The following EXTL3 variants were observed in gnomAD, a reference collection of about 807,000 sequenced individuals.
EXTL3 encodes exostosin like glycosyltransferase 3.
In EXTL3, 27 loss-of-function variants were observed where a neutral mutation model predicts 69.3. The observed-to-expected ratio is 0.39, with a 90% CI of 0.29 to 0.54. The LOEUF is 0.54. EXTL3 is among the 20% of genes least tolerant of loss of function. The pLI, the probability that EXTL3 is intolerant of heterozygous loss-of-function variation, is 0.69. For synonymous variants in EXTL3, 511 were observed against 499.4 expected, an observed-to-expected ratio of 1.02 and a Z score of -0.31; for missense variants, 1,003 against 1,231.8, an observed-to-expected ratio of 0.81 and a Z score of 2.78.
In EXTL3 at chr8:28,613,695, C is replaced by T. The variant is rs141790903; in HGVS notation, n.314+5937C>T. Among the ~76,000 whole-genome samples, 386 of 152,246 alleles carry T rather than the reference C, an allele frequency of 2.5e-3. 2 individuals carry two copies. Among genetic ancestry groups the T allele is most frequent in the Non-Finnish European group, 3.2e-3 (219 of 68,010 alleles). Reference sequence around the variant, plus strand: ...AGATCTATTCAAATTATCTACTTCTCCTTATGTGAGTTCAAGGAATTGGTC... The same window carrying T: ...AGATCTATTCAAATTATCTACTTCTTCTTATGTGAGTTCAAGGAATTGGTC... On this transcript the variant is annotated intron_variant and non_coding_transcript_variant, in intron 2 of 4. Coordinates refer to the EXTL3 transcript ENST00000522725.
chr8:28,726,882 T>TC (rs1475006235), intron 3 of EXTL3, among the ~76,000 whole-genome samples: 3 of 124,542 alleles, frequency 2.4e-5, no homozygotes, highest in African/African-American at 6.2e-5. Context: ...TTCTTTTCTT[T>TC]TTTTTTTTTT....
Position 28,691,048 on chromosome 8 carries a change from A to G in EXTL3, c.-52-22409A>G, listed in dbSNP as rs111648078. On this transcript the variant is annotated intron_variant, in intron 1 of 6. Coordinates refer to the EXTL3 transcript ENST00000523149. ...GTGTTGTTAGACAGGCTAGACTGGTATTATAGTTACCAGACTTTTAGGTTT... is the reference window on the plus strand; with the variant it reads ...GTGTTGTTAGACAGGCTAGACTGGTGTTATAGTTACCAGACTTTTAGGTTT... Among the ~76,000 whole-genome samples, 1,005 of 152,282 alleles carry G rather than the reference A, an allele frequency of 6.6e-3. 17 individuals are homozygous for G. Among genetic ancestry groups the G allele is most frequent in the African/African-American group, 0.023 (958 of 41,542 alleles).
chr8:28,630,341 A>C (rs2130560891), intron 1 of EXTL3, among the ~76,000 whole-genome samples: 2 of 152,304 alleles, frequency 1.3e-5, no homozygotes, highest in East Asian at 3.9e-4. Flanking sequence ...CTGTGAGTCC[A>C]TTAAACCTCT....
intron 3 of EXTL3, among the ~76,000 whole-genome samples, chr8:28,723,706 A>T (rs1270486592): frequency 7.2e-6 from 1 of 138,350 alleles, no homozygotes; most frequent in Non-Finnish European, 1.5e-5. Flanking sequence ...CAGTGGTGTG[A>T]TCTTGGCTCA....
At chr8:28,615,481 C>T (rs1806319800) in intron 2 of EXTL3, among the ~76,000 whole-genome samples, 1 of 152,140 alleles carries the variant, frequency 6.6e-6, no homozygotes, top group African/African-American at 2.4e-5. Flanking sequence ...AGAATTGACC[C>T]GTTTGTCGTT....
At chr8:28,654,829 C>T (rs576367458) in intron 1 of EXTL3, among the ~76,000 whole-genome samples, 1 of 152,150 alleles carries the variant, frequency 6.6e-6, no homozygotes, top group Non-Finnish European at 1.5e-5. Context: ...CATTCTAACC[C>T]TCTTCCAAGA....
chr8:28,660,982 C>T (rs1807103940), intron 1 of EXTL3, among the ~76,000 whole-genome samples: 1 of 145,950 alleles, frequency 6.9e-6, no homozygotes, highest in South Asian at 2.2e-4. Context: ...GGCGCGATCT[C>T]TGCTCACTGC....
chr8:28,626,515 T>A (rs1806493790), intron 1 of EXTL3, among the ~76,000 whole-genome samples: 1 of 152,240 alleles, frequency 6.6e-6, no homozygotes, highest in Admixed American at 6.5e-5. Context: ...CTAGACATTA[T>A]CAGCTTTCTT....
intron 1 of EXTL3, among the ~76,000 whole-genome samples, chr8:28,666,557 C>T (rs1160682628): frequency 6.6e-6 from 1 of 151,944 alleles, no homozygotes; most frequent in East Asian, 1.9e-4. Context: ...GTGCTTACGC[C>T]CAGCCACTCT....
intron 1 of EXTL3, among the ~76,000 whole-genome samples, chr8:28,711,818 T>C (rs1459736571): frequency 6.6e-6 from 1 of 152,118 alleles, no homozygotes; most frequent in Non-Finnish European, 1.5e-5. Context: ...GTCAGGGAAG[T>C]AGATGGAACA....
chr8:28,650,693 C>G (rs900474768), intron 1 of EXTL3, among the ~76,000 whole-genome samples: 1 of 152,032 alleles, frequency 6.6e-6, no homozygotes, highest in Non-Finnish European at 1.5e-5. Flanking sequence ...TCTATTCTTT[C>G]CCTACTAGTT....
At chr8:28,616,126 TGAA>T (rs1246787782) in intron 2 of EXTL3, among the ~76,000 whole-genome samples, 1 of 152,146 alleles carries the variant, frequency 6.6e-6, no homozygotes, top group African/African-American at 2.4e-5. Context: ...AAAAATGTAA[TGAA>T]GTATTCTTGC....
At chr8:28,610,001 C>T (rs1169956739) in intron 2 of EXTL3, among the ~76,000 whole-genome samples, 3 of 151,318 alleles carry the variant, frequency 2.0e-5, no homozygotes, top group African/African-American at 2.4e-5. Context: ...GTCAGGAGTT[C>T]GAGACCAGCC....
chr8:28,645,507 C>A (rs1806814271), intron 1 of EXTL3, among the ~76,000 whole-genome samples: 1 of 152,150 alleles, frequency 6.6e-6, no homozygotes, highest in Non-Finnish European at 1.5e-5. Context: ...ACAGTGTCAT[C>A]CTATTTTTGT....
In EXTL3 at chr8:28,750,842, G is replaced by T; in HGVS notation, c.2736G>T (p.Lys912Asn). Residue 912 changes from lysine (K) to asparagine (N), a missense_variant, in exon 7 of 7, where the codon AAG (lysine) becomes AAT (asparagine). Around this residue, in one of 2 missense-constraint regions of EXTL3, gnomAD observed 261 missense variants for 416.4 expected, o/e 0.63. Transcript: ENST00000220562. The surrounding 1 kb of genome is among the most constrained non-coding windows in gnomAD (Gnocchi z 5.2). Reference sequence around the variant, plus strand: ...TCAAGACACGCCTGCCCCATGACAAGACCAAGTGCTTCAAGTTCATCTAGG... The same window carrying T: ...TCAAGACACGCCTGCCCCATGACAATACCAAGTGCTTCAAGTTCATCTAGG... The part of the protein sequence containing the change: ...VLFKTRLPHD[K>N]TKCFKFI The T allele has an allele frequency of 6.2e-7, 1 of 1,614,098 alleles. No individual in the cohort carries two copies. The highest frequency in any genetic ancestry group is 1.1e-5 in the South Asian group (1 of 91,080).
chr8:28,702,738 C>T (rs964064043), intron 1 of EXTL3, among the ~76,000 whole-genome samples: 3 of 152,170 alleles, frequency 2.0e-5, no homozygotes, highest in South Asian at 2.1e-4. Flanking sequence ...TAAGAGTCGT[C>T]TTTAGCATTT....
At chr8:28,608,311 G>A (rs983763810) in intron 2 of EXTL3, among the ~76,000 whole-genome samples, 9 of 151,956 alleles carry the variant, frequency 5.9e-5, no homozygotes, top group Non-Finnish European at 1.3e-4. Context: ...GTGAGCTTGT[G>A]CATTTAGGCA....
At chr8:28,726,326 A>G (rs1801412245) in intron 3 of EXTL3, among the ~76,000 whole-genome samples, 1 of 152,100 alleles carries the variant, frequency 6.6e-6, no homozygotes, top group Admixed American at 6.6e-5. Context: ...TGGTTTGCTG[A>G]GCTTTTGTTT....
intron 1 of EXTL3, among the ~76,000 whole-genome samples, chr8:28,707,538 C>T (rs1020819809): frequency 6.6e-6 from 1 of 152,226 alleles, no homozygotes; most frequent in African/African-American, 2.4e-5. Context: ...AGGGATAGTG[C>T]TGTTTGTCTT....
Sources: gnomAD v4.1 joint callset for allele counts (sites outside exome capture counted in the v4.1 genomes callset) on GRCh38, gnomAD v4.1.1 for gene constraint, gnomAD v4.1.1 regional missense constraint, Gnocchi (gnomAD v3.1) non-coding constraint, MANE v1.5 for transcripts, NCBI Gene and HGNC (gene_info 2026-07-23, HGNC 2026-07-21) for gene names.